PELI2: variants seen among roughly 807,000 people sequenced by gnomAD.
The protein encoded by PELI2 is E3 ubiquitin-protein ligase pellino homolog 2.
PELI2 carries 23 observed loss-of-function variants against 42.3 expected under a neutral mutation model. The observed-to-expected ratio is 0.54, with a 90% CI of 0.39 to 0.77. PELI2 has a LOEUF of 0.77. Among genes scored for constraint, PELI2 ranks in the 30% least tolerant of loss-of-function variants. The pLI, the probability that PELI2 is intolerant of heterozygous loss-of-function variation, is 0.00. For synonymous variants in PELI2, 245 were observed against 212.2 expected (o/e 1.15, Z -1.34); for missense variants, 463 against 553.2 (o/e 0.84, Z 1.64).
At position 56,301,400 on chromosome 14, in the gene PELI2, A is replaced by G. The variant is rs1890164781; in HGVS notation, c.*4234A>G. ...TAGAACTGATTTTTTTCACTTCTCTAACTTCCAAGTTAATCTCCAGCTGTT... is the reference window on the plus strand; with the variant it reads ...TAGAACTGATTTTTTTCACTTCTCTGACTTCCAAGTTAATCTCCAGCTGTT... On this transcript the variant is annotated 3_prime_UTR_variant, in exon 6 of 6. Transcript: ENST00000267460. The G allele has an allele frequency of 6.6e-6, 1 of 152,612 alleles. No homozygotes were observed. The highest frequency in any genetic ancestry group is 1.5e-5 in the Non-Finnish European group (1 of 68,026). 9.5% of individuals were successfully genotyped at this position (152,612 alleles called of 1,614,324 possible). A position where few individuals can be genotyped will look rare whatever the true frequency, so the allele number is the denominator to read the frequency against.
chr14:56,178,588 G>C, intron 2 of PELI2, 124 bp downstream of exon 2: 1 of 1,104,584 alleles, frequency 9.1e-7, no homozygotes, highest in Non-Finnish European at 1.3e-6. Flanking sequence ...ATTTGAGGCT[G>C]GATAATGCTT....
chr14:56,235,467 C>T (rs1057033613), intron 2 of PELI2, among the ~76,000 whole-genome samples: 1 of 152,214 alleles, frequency 6.6e-6, no homozygotes, highest in African/African-American at 2.4e-5. Context: ...ATCCTCTCTT[C>T]TACGCTAACG....
chr14:56,189,659 A>G (rs1885890277), intron 2 of PELI2, among the ~76,000 whole-genome samples: 1 of 152,234 alleles, frequency 6.6e-6, no homozygotes, highest in South Asian at 2.1e-4. Context: ...TATAAAAGTT[A>G]TACATAGGTG....
chr14:56,241,877 TA>T (rs1294244134), intron 2 of PELI2, among the ~76,000 whole-genome samples: 3 of 152,126 alleles, frequency 2.0e-5, no homozygotes, highest in African/African-American at 7.2e-5. Context: ...TTTAGATCCA[TA>T]AGGACTAAAA....
intron 1 of PELI2, among the ~76,000 whole-genome samples, chr14:56,176,702 A>C (rs971984319): frequency 6.6e-6 from 1 of 152,186 alleles, no homozygotes; most frequent in Non-Finnish European, 1.5e-5. Flanking sequence ...TCTACCATAC[A>C]GGGTCATTCT....
At chr14:56,271,928 C>A (rs1286306097) in intron 2 of PELI2, among the ~76,000 whole-genome samples, 5 of 152,150 alleles carry the variant, frequency 3.3e-5, no homozygotes, top group Admixed American at 6.5e-5. Flanking sequence ...TTGCGGGGAC[C>A]TGAAAGGCAA....
At chr14:56,154,171 T>C (rs189880594) in intron 1 of PELI2, among the ~76,000 whole-genome samples, 8 of 152,364 alleles carry the variant, frequency 5.3e-5, no homozygotes, top group African/African-American at 4.8e-5. Context: ...AGTTTCAACA[T>C]GTTTAAGAGA....
At position 56,296,689 on chromosome 14, in the gene PELI2, T is replaced by G; in HGVS notation, c.786T>G (p.Phe262Leu). 1 of 1,614,126 alleles carries G rather than the reference T, an allele frequency of 6.2e-7. No individual in the cohort carries two copies. The highest frequency in any genetic ancestry group is 8.5e-7 in the Non-Finnish European group (1 of 1,179,988). The change falls in exon 6 of 6, where the codon TTT becomes TTG. Residue 262 changes from phenylalanine to leucine, a missense_variant. Transcript: ENST00000267460. ...TCTGGAGAACAGCAGATGGGCTTTT[T>G]CATACTCCAACTCAGAAGCACATAG... ...TLLWRTADGLFHTPTQKHIEA... is the reference protein window; with the variant it reads ...TLLWRTADGLLHTPTQKHIEA...
At position 56,214,137 on chromosome 14, in the gene PELI2, G is replaced by GC. The variant is rs757631799; in HGVS notation, c.207+35675dup. On this transcript the variant is annotated intron_variant, in intron 2 of 5. Transcript: ENST00000267460. ...CAAAGTGCTGGGATTACAGGTGTGA[G>GC]CCACTGCGCCTGGCCACAGTGGTTG... Among the ~76,000 whole-genome samples, 34 of 152,166 alleles carry GC rather than the reference G, an allele frequency of 2.2e-4. 1 individual carries two copies. The highest frequency in any genetic ancestry group is 4.1e-4 in the Non-Finnish European group (28 of 68,038).
intron 1 of PELI2, among the ~76,000 whole-genome samples, chr14:56,121,350 A>G (rs778279734): frequency 5.3e-5 from 8 of 152,158 alleles, no homozygotes; most frequent in Non-Finnish European, 8.8e-5. Context: ...ATAGATGTCT[A>G]TATCCATATC....
chr14:56,134,942 T>C (rs1391447491), intron 1 of PELI2, among the ~76,000 whole-genome samples: 1 of 152,218 alleles, frequency 6.6e-6, no homozygotes, highest in African/African-American at 2.4e-5. Context: ...ATTTCTAATC[T>C]AGTTTTTATA....
At chr14:56,294,223 T>C (rs1889927425) in intron 5 of PELI2, among the ~76,000 whole-genome samples, 1 of 152,228 alleles carries the variant, frequency 6.6e-6, no homozygotes, top group Non-Finnish European at 1.5e-5. Flanking sequence ...CAAAGTGACA[T>C]CCAGGTGAGA....
intron 1 of PELI2, among the ~76,000 whole-genome samples, chr14:56,122,256 A>G (rs1299609125): frequency 2.0e-5 from 3 of 152,102 alleles, no homozygotes; most frequent in Non-Finnish European, 2.9e-5. Flanking sequence ...GCCTTAAAGT[A>G]TAATAAAAAA....
chr14:56,122,058 G>A (rs1456103436), intron 1 of PELI2, among the ~76,000 whole-genome samples: 2 of 152,182 alleles, frequency 1.3e-5, no homozygotes, highest in Non-Finnish European at 2.9e-5. Flanking sequence ...AGACAGTGAT[G>A]TTTTGAAATT....
At chr14:56,233,579 C>G (rs1887669372) in intron 2 of PELI2, among the ~76,000 whole-genome samples, 1 of 152,142 alleles carries the variant, frequency 6.6e-6, no homozygotes, top group Non-Finnish European at 1.5e-5. Context: ...TGGATCCCTT[C>G]CTCACAGCTT....
At chr14:56,196,186 A>G (rs184660161) in intron 2 of PELI2, among the ~76,000 whole-genome samples, 282 of 152,342 alleles carry the variant, frequency 1.9e-3, no homozygotes, top group African/African-American at 6.3e-3. Context: ...GAGATTCCCT[A>G]GGAGTAACTC....
rs995928306 is a variant in PELI2 at position 56,221,457 on chromosome 14, A to G, written c.207+42993A>G. 2.0e-5 allele frequency among the ~76,000 whole-genome samples: 3 copies of G among 152,334 alleles called. No individual in the cohort carries two copies. The South Asian group carries it at 6.2e-4, about 32-fold the overall frequency. The stretch of plus-strand genomic sequence containing the variant: ...CTGTACTCCACCTAACACAGTGCTC[A>G]GGAATAATTGTTTCATTTTATAAAA... On this transcript the variant is annotated intron_variant, in intron 2 of 5. Transcript: ENST00000267460.
At chr14:56,174,213 CT>C (rs1885286417) in intron 1 of PELI2, among the ~76,000 whole-genome samples, 1 of 152,188 alleles carries the variant, frequency 6.6e-6, no homozygotes, top group African/African-American at 2.4e-5. Flanking sequence ...TTGGATTTAT[CT>C]TTTTAAGGCC....
At chr14:56,140,964 C>A (rs1164579682) in intron 1 of PELI2, among the ~76,000 whole-genome samples, 1 of 152,106 alleles carries the variant, frequency 6.6e-6, no homozygotes, top group East Asian at 1.9e-4. Context: ...GATTTCTATC[C>A]TTTTTCCCCT....
Sources: gnomAD v4.1 joint callset for allele counts (sites outside exome capture counted in the v4.1 genomes callset) on GRCh38, gnomAD v4.1.1 for gene constraint, MANE v1.5 for transcripts, NCBI Gene and HGNC (gene_info 2026-07-23, HGNC 2026-07-21) for gene names.